Variants in CORO2B observed in about 807,000 individuals in gnomAD.
The protein encoded by CORO2B is coronin-2B.
Under a neutral mutation model 58.8 loss-of-function variants are expected in CORO2B, and 26 were observed. The ratio of observed to expected loss-of-function variants is 0.44; its 90% CI spans 0.32 to 0.61. The LOEUF (loss-of-function observed/expected upper bound fraction) is 0.61. Ranked by LOEUF, CORO2B falls within the 20% of genes least tolerant of loss-of-function variation. The probability of loss-of-function intolerance (pLI) is 0.04; values close to 1 mark genes in which losing one functional copy is unlikely to be tolerated. For missense variants in CORO2B, 460 were observed against 645.1 expected (o/e 0.71, Z 3.11); for synonymous variants, 242 against 253.8 (o/e 0.95, Z 0.44).
intron 3 of CORO2B, among the ~76,000 whole-genome samples, chr15:68,705,944 G>T (rs1892773888): frequency 6.6e-6 from 1 of 152,170 alleles, no homozygotes; most frequent in South Asian, 2.1e-4. Context: ...TGGAACCTGG[G>T]CTGGGGCTCA....
chr15:68,594,505 TG>T (rs1056093200), intron 1 of CORO2B, among the ~76,000 whole-genome samples: 13 of 152,210 alleles, frequency 8.5e-5, no homozygotes, highest in Admixed American at 5.9e-4. Flanking sequence ...ACTAATTCCT[TG>T]GGCAGGGTGG....
At chr15:68,601,027 C>G (rs1899969408) in intron 1 of CORO2B, among the ~76,000 whole-genome samples, 1 of 152,198 alleles carries the variant, frequency 6.6e-6, no homozygotes, top group Admixed American at 6.5e-5. Flanking sequence ...CCTAGCCAGC[C>G]TTTAAGGCAG....
chr15:68,606,522 A>C (rs1274079032), intron 1 of CORO2B, among the ~76,000 whole-genome samples: 1 of 152,170 alleles, frequency 6.6e-6, no homozygotes, highest in Admixed American at 6.5e-5. Flanking sequence ...TGAATGGTAC[A>C]GTTGTTGGTC....
the CORO2B span, among the ~76,000 whole-genome samples, chr15:68,542,098 T>C: frequency 3.5e-4 from 53 of 152,198 alleles, no homozygotes; most frequent in Admixed American, 3.4e-3. Context: ...GTCTTGAAAA[T>C]CAGTGTTTCA....
intron 3 of CORO2B, among the ~76,000 whole-genome samples, chr15:68,700,800 C>T (rs1892623350): frequency 4.6e-5 from 1 of 21,680 alleles, no homozygotes; most frequent in Non-Finnish European, 1.9e-4. Flanking sequence ...GGCCAGCAGC[C>T]GCGGAGAGAG....
chr15:68,555,567 C>G, the CORO2B span, among the ~76,000 whole-genome samples: 3 of 152,244 alleles, frequency 2.0e-5, no homozygotes, highest in Non-Finnish European at 4.4e-5. Flanking sequence ...CTCTATGTTC[C>G]TGCCAGCAGG....
At chr15:68,706,999 C>T (rs902513757) in intron 3 of CORO2B, among the ~76,000 whole-genome samples, 2 of 152,140 alleles carry the variant, frequency 1.3e-5, no homozygotes, top group South Asian at 2.1e-4. Context: ...CTCACTCTGT[C>T]GCCCAGGCTG....
intron 1 of CORO2B, among the ~76,000 whole-genome samples, chr15:68,626,556 T>G (rs1226397473): frequency 1.3e-5 from 2 of 152,116 alleles, no homozygotes; most frequent in Non-Finnish European, 2.9e-5. Flanking sequence ...GCCAGGGGCT[T>G]GGCTGACACA....
At chr15:68,548,428 A>C in the CORO2B span, among the ~76,000 whole-genome samples, 4 of 151,620 alleles carry the variant, frequency 2.6e-5, no homozygotes, top group Admixed American at 6.6e-5. Flanking sequence ...GTCTTGAAAC[A>C]CTCCCGCCAT....
chr15:68,593,253 C>T (rs1186260038), intron 1 of CORO2B, among the ~76,000 whole-genome samples: 1 of 152,182 alleles, frequency 6.6e-6, no homozygotes, highest in Non-Finnish European at 1.5e-5. Flanking sequence ...ATATTCAAAC[C>T]GTAGCCATGG....
At chr15:68,636,255 A>G (rs1280727772) in intron 1 of CORO2B, among the ~76,000 whole-genome samples, 1 of 152,154 alleles carries the variant, frequency 6.6e-6, no homozygotes, top group Non-Finnish European at 1.5e-5. Flanking sequence ...CTTCCCAGTG[A>G]CCATCCTAGG....
chr15:68,706,254 A>G (rs899299232), intron 3 of CORO2B, among the ~76,000 whole-genome samples: 1 of 152,084 alleles, frequency 6.6e-6, no homozygotes, highest in African/African-American at 2.4e-5. Flanking sequence ...ACCGCTTCCA[A>G]CATCCCAACT....
the CORO2B span, among the ~76,000 whole-genome samples, chr15:68,543,411 G>A: frequency 6.0e-3 from 916 of 152,210 alleles, 10 homozygotes; most frequent in African/African-American, 0.021. Flanking sequence ...TTCTCAGCCT[G>A]GGCCAGGTCA....
chr15:68,666,808 A>G (rs1902207247), intron 2 of CORO2B, among the ~76,000 whole-genome samples: 1 of 152,156 alleles, frequency 6.6e-6, no homozygotes, highest in Admixed American at 6.5e-5. Flanking sequence ...CACTGCACTG[A>G]GTCCCCAAAA....
rs76229721 is a variant in CORO2B, at chr15:68,662,832, C to T, written c.216+17472C>T. 8.8e-3 allele frequency among the ~76,000 whole-genome samples: 1,347 copies of T among 152,222 alleles called. 17 individuals carry two copies. The highest frequency in any genetic ancestry group is 0.031 in the African/African-American group (1,295 of 41,514). On this transcript the variant is annotated intron_variant, in intron 2 of 11. Coordinates refer to ENST00000261861, the MANE Select transcript of CORO2B (RefSeq NM_006091.5). ...GTGTGTATGTTTTGATAAATTTCAGCTTCTTATAATAGATTTGTATATATT... is the reference window on the plus strand; with the variant it reads ...GTGTGTATGTTTTGATAAATTTCAGTTTCTTATAATAGATTTGTATATATT...
chr15:68,689,802 TTA>T (rs1892311545), intron 2 of CORO2B, among the ~76,000 whole-genome samples: 1 of 152,246 alleles, frequency 6.6e-6, no homozygotes, highest in Non-Finnish European at 1.5e-5. Context: ...TCTTTAATTT[TTA>T]TGTTTGTTAA....
intron 2 of CORO2B, among the ~76,000 whole-genome samples, chr15:68,689,673 C>T (rs979216750): frequency 1.3e-5 from 2 of 152,204 alleles, no homozygotes; most frequent in Non-Finnish European, 2.9e-5. Context: ...ACCCCCTGTA[C>T]AGAAACAGTA....
intron 1 of CORO2B, among the ~76,000 whole-genome samples, chr15:68,580,781 G>T (rs1899407820): frequency 6.6e-6 from 1 of 152,102 alleles, no homozygotes; most frequent in African/African-American, 2.4e-5. Flanking sequence ...AGAGAGAAAG[G>T]GTGTGAGGTT....
intron 1 of CORO2B, among the ~76,000 whole-genome samples, chr15:68,591,612 A>G (rs766459571): frequency 5.9e-5 from 9 of 152,160 alleles, no homozygotes; most frequent in South Asian, 4.1e-4. Flanking sequence ...CTCAAAGCCT[A>G]TGTGCAATGA....
Sources: allele counts gnomAD v4.1 joint callset (sites outside exome capture counted in the v4.1 genomes callset), GRCh38; gene constraint gnomAD v4.1.1; transcripts MANE v1.5; gene names NCBI Gene and HGNC (gene_info 2026-07-23, HGNC 2026-07-21).